Variants in CHCHD3 observed in about 807,000 individuals in gnomAD.
CHCHD3 encodes coiled-coil-helix-coiled-coil-helix domain containing 3, also known as MICOS complex subunit MIC19.
CHCHD3 carries 20 observed loss-of-function variants against 38.2 expected under a neutral mutation model. The ratio of observed to expected loss-of-function variants is 0.52; its 90% CI spans 0.37 to 0.76. The LOEUF is 0.76. Ranked by LOEUF, CHCHD3 falls within the 30% of genes least tolerant of loss-of-function variation. The pLI is 0.00. For synonymous variants in CHCHD3, 82 were observed against 100.0 expected, an observed-to-expected ratio of 0.82 and a Z score of 1.07; for missense variants, 245 against 279.2, an observed-to-expected ratio of 0.88 and a Z score of 0.87.
intron 4 of CHCHD3, among the ~76,000 whole-genome samples, chr7:132,945,305 A>G (rs1275101398): frequency 6.6e-6 from 1 of 151,986 alleles, no homozygotes; most frequent in Non-Finnish European, 1.5e-5. Flanking sequence ...AATAAATGTG[A>G]AAATACTCAG....
At chr7:132,997,763 T>G (rs1812463984) in intron 3 of CHCHD3, among the ~76,000 whole-genome samples, 1 of 149,756 alleles carries the variant, frequency 6.7e-6, no homozygotes, top group Non-Finnish European at 1.5e-5. Flanking sequence ...CTCATCACTC[T>G]CTTACACTCT....
At chr7:133,027,051 C>T (rs1485515072) in intron 2 of CHCHD3, among the ~76,000 whole-genome samples, 1 of 151,842 alleles carries the variant, frequency 6.6e-6, no homozygotes, top group African/African-American at 2.4e-5. Flanking sequence ...GATTCTCCTG[C>T]CTCAGCCTCC....
chr7:132,856,763 C>T (rs1198702898), intron 5 of CHCHD3, among the ~76,000 whole-genome samples: 1 of 152,168 alleles, frequency 6.6e-6, no homozygotes, highest in Non-Finnish European at 1.5e-5. Flanking sequence ...TCATTTGTTT[C>T]CCTGAATTCT....
intron 3 of CHCHD3, among the ~76,000 whole-genome samples, chr7:133,001,166 C>G (rs948848815): frequency 2.0e-5 from 3 of 152,182 alleles, no homozygotes; most frequent in African/African-American, 7.2e-5. Flanking sequence ...ATGTTACCTT[C>G]TGGCATATAA....
At chr7:132,824,127 T>C (rs1012818951) in intron 6 of CHCHD3, among the ~76,000 whole-genome samples, 5 of 152,170 alleles carry the variant, frequency 3.3e-5, no homozygotes, top group Non-Finnish European at 7.3e-5. Context: ...AGTCATTAAT[T>C]TGGTGCAGTA....
chr7:132,837,658 C>T (rs999758249), intron 6 of CHCHD3, among the ~76,000 whole-genome samples: 1 of 152,084 alleles, frequency 6.6e-6, no homozygotes, highest in Non-Finnish European at 1.5e-5. Context: ...GGTCAGAGCC[C>T]GATGCAATCT....
intron 5 of CHCHD3, among the ~76,000 whole-genome samples, chr7:132,872,629 T>C (rs1455993262): frequency 1.3e-5 from 2 of 152,218 alleles, no homozygotes; most frequent in Admixed American, 1.3e-4. Context: ...TCATGCCCTG[T>C]AATAAAGCTG....
At chr7:132,828,243 G>A (rs1807557485) in intron 6 of CHCHD3, among the ~76,000 whole-genome samples, 1 of 152,034 alleles carries the variant, frequency 6.6e-6, no homozygotes, top group South Asian at 2.1e-4. Flanking sequence ...CACCAGCAAA[G>A]TGAGTTCTGG....
At chr7:132,807,800 T>C (rs1030239445) in intron 6 of CHCHD3, among the ~76,000 whole-genome samples, 1 of 151,808 alleles carries the variant, frequency 6.6e-6, no homozygotes, top group African/African-American at 2.4e-5. Flanking sequence ...GACTTTTGCA[T>C]ATAATATTTA....
At chr7:132,998,326 G>T (rs952954028) in intron 3 of CHCHD3, among the ~76,000 whole-genome samples, 5 of 152,286 alleles carry the variant, frequency 3.3e-5, no homozygotes, top group African/African-American at 1.2e-4. Flanking sequence ...TCCGAGTGCT[G>T]CCTGGATTTG....
At chr7:133,029,208 T>G (rs1012852793) in intron 2 of CHCHD3, among the ~76,000 whole-genome samples, 1 of 152,344 alleles carries the variant, frequency 6.6e-6, no homozygotes, top group East Asian at 1.9e-4. Context: ...GTGAACTATG[T>G]GATGATTTGA....
intron 7 of CHCHD3, among the ~76,000 whole-genome samples, chr7:132,795,570 T>C (rs1806587463): frequency 6.6e-6 from 1 of 152,142 alleles, no homozygotes; most frequent in Non-Finnish European, 1.5e-5. Flanking sequence ...AGTATAAAAA[T>C]TTTACACCAA....
At chr7:133,009,310 G>A (rs980826482) in intron 3 of CHCHD3, among the ~76,000 whole-genome samples, 4 of 143,696 alleles carry the variant, frequency 2.8e-5, no homozygotes, top group African/African-American at 7.8e-5. Context: ...GTTGCAGTGA[G>A]CCAAGATCGC....
chr7:132,910,247 A>AG (rs1187771037), intron 4 of CHCHD3, among the ~76,000 whole-genome samples: 1 of 152,128 alleles, frequency 6.6e-6, no homozygotes, highest in Non-Finnish European at 1.5e-5. Context: ...TGCCAAGGGC[A>AG]GGGGGTATTT....
intron 5 of CHCHD3, among the ~76,000 whole-genome samples, chr7:132,884,343 C>T (rs1009997006): frequency 4.6e-5 from 7 of 152,070 alleles, no homozygotes; most frequent in South Asian, 2.1e-4. Flanking sequence ...TTATTCCTCC[C>T]GAAATTATCA....
chr7:133,038,008 T>C (rs1304295635), intron 2 of CHCHD3, among the ~76,000 whole-genome samples: 1 of 152,174 alleles, frequency 6.6e-6, no homozygotes, highest in African/African-American at 2.4e-5. Flanking sequence ...AATTTCAGTT[T>C]TTAAAAAACA....
chr7:132,872,683 T>G (rs1808794984), intron 5 of CHCHD3, among the ~76,000 whole-genome samples: 1 of 152,106 alleles, frequency 6.6e-6, no homozygotes, highest in Admixed American at 6.5e-5. Context: ...AATAAAACAA[T>G]GGGCGCTTAG....
At chr7:132,813,256 C>T (rs1807117459) in intron 6 of CHCHD3, among the ~76,000 whole-genome samples, 1 of 152,196 alleles carries the variant, frequency 6.6e-6, no homozygotes, top group East Asian at 1.9e-4. Context: ...AGTGGCCAAA[C>T]TACACATGTT....
At chr7:132,924,993 A>C (rs1810341881) in intron 4 of CHCHD3, among the ~76,000 whole-genome samples, 1 of 152,204 alleles carries the variant, frequency 6.6e-6, no homozygotes, top group Non-Finnish European at 1.5e-5. Flanking sequence ...TCTCCATTGG[A>C]ACAAAAAAGC....
Sources: gnomAD v4.1 joint callset for allele counts (sites outside exome capture counted in the v4.1 genomes callset) on GRCh38, gnomAD v4.1.1 for gene constraint, MANE v1.5 for transcripts, NCBI Gene and HGNC (gene_info 2026-07-23, HGNC 2026-07-21) for gene names.